Variants in MPDZ observed in about 807,000 individuals in gnomAD.
MPDZ encodes the protein multiple PDZ domain crumbs cell polarity complex component.
Under a neutral mutation model 239.1 loss-of-function variants are expected in MPDZ, and 234 were observed. The observed-to-expected ratio is 0.98, with a 90% CI of 0.88 to 1.09. MPDZ has a LOEUF of 1.09. Ranked by LOEUF, MPDZ falls within the 50% of genes least tolerant of loss-of-function variation. MPDZ has a pLI of 0.00. For missense variants in MPDZ, 3,175 were observed against 2,510.0 expected (o/e 1.26, Z -5.66); for synonymous variants, 1,048 against 881.3 (o/e 1.19, Z -3.35).
intron 1 of MPDZ, among the ~76,000 whole-genome samples, chr9:13,263,414 T>G (rs535286997): frequency 1.0e-3 from 153 of 149,236 alleles, no homozygotes; most frequent in African/African-American, 3.5e-3. Context: ...AAAAAAAAGA[T>G]TTCGCCTAAA....
intron 10 of MPDZ, among the ~76,000 whole-genome samples, chr9:13,207,974 A>G (rs1407235541): frequency 6.6e-6 from 1 of 152,238 alleles, no homozygotes; most frequent in Non-Finnish European, 1.5e-5. Context: ...AGTCATTAAT[A>G]TTCCTTAGAA....
intron 3 of MPDZ, among the ~76,000 whole-genome samples, chr9:13,239,213 A>T (rs1439332880): frequency 6.6e-6 from 1 of 152,194 alleles, no homozygotes; most frequent in Non-Finnish European, 1.5e-5. Flanking sequence ...TCAGATAATC[A>T]TAAGAAGCCC....
chr9:13,271,586 C>T lies in MPDZ; in HGVS notation c.-58+7814G>A, dbSNP rs149670442. Among the ~76,000 whole-genome samples, 366 of 152,236 alleles carry T rather than the reference C, an allele frequency of 2.4e-3. 2 individuals are homozygous for T. Among genetic ancestry groups the T allele is most frequent in the African/African-American group, 7.5e-3 (310 of 41,536 alleles). ...TCTTCTTTGGGTCTCTTCTTTTCTG[C>T]GTAGCCCCCATGAATATGAAATTAA... On this transcript the variant is annotated intron_variant, in intron 1 of 46. Coordinates refer to ENST00000319217, the MANE Select transcript of MPDZ (RefSeq NM_001378778.1).
intron 25 of MPDZ, among the ~76,000 whole-genome samples, chr9:13,150,127 T>C (rs1012976539): frequency 1.3e-5 from 2 of 152,130 alleles, no homozygotes; most frequent in African/African-American, 4.8e-5. Flanking sequence ...ATTCAAAATT[T>C]TTCCCTGAGA....
chr9:13,159,631 TG>T (rs1043947851), intron 23 of MPDZ, among the ~76,000 whole-genome samples: 1 of 152,038 alleles, frequency 6.6e-6, no homozygotes, highest in African/African-American at 2.4e-5. Flanking sequence ...AGGCAGGGGA[TG>T]GGGGGAGGTC....
chr9:13,176,280 A>T lies in MPDZ; in HGVS notation c.2787T>A (p.Phe929Leu). Residue 929 changes from phenylalanine to leucine, a missense_variant, in exon 20 of 47, where the codon TTT becomes TTA. Physicochemically the swap from Phe to Leu is conservative, Grantham distance 22 (BLOSUM62 0). Transcript: ENST00000319217. ...TTGCAGGTGTGTAGTCATTTATAGT[A>T]AAGCCAGAAGCAGGCCCCATACTTA... ...VDISMGPASG[F>L]TINDYTPANA... 1 of 1,610,446 alleles carries T rather than the reference A, an allele frequency of 6.2e-7. No homozygotes were observed. The highest frequency in any genetic ancestry group is 1.1e-5 in the South Asian group (1 of 90,314).
intron 35 of MPDZ, among the ~76,000 whole-genome samples, chr9:13,123,513 G>A (rs1312302357): frequency 4.6e-5 from 7 of 151,712 alleles, no homozygotes; most frequent in Non-Finnish European, 7.4e-5. Context: ...TAGGGTAGTG[G>A]GCCAAAAATT....
intron 20 of MPDZ, 100 bp downstream of exon 20, chr9:13,176,036 C>A: frequency 7.0e-7 from 1 of 1,437,892 alleles, no homozygotes; most frequent in Non-Finnish European, 9.2e-7. Context: ...ATCTTAGTGT[C>A]AAGAAGCACT....
In MPDZ at chr9:13,150,624, C is replaced by T. The variant is rs1949036500; in HGVS notation, c.3517G>A (p.Gly1173Arg). Reference protein sequence around the residue: ...GISIVGGRGMGSRLSNGEVMR... With the variant: ...GISIVGGRGMRSRLSNGEVMR... ...ACTTCTCCATTGCTTAGCCGACTCC[C>T]CATCCCTCGTCCACCAACAATGCTG... Residue 1173 changes from glycine (G) to arginine (R), a missense_variant, in exon 25 of 47, where the codon GGG becomes AGG. By Grantham distance (125) the Gly-to-Arg change is moderately radical. Transcript: ENST00000319217. The T allele has an allele frequency of 3.3e-6, 5 of 1,530,918 alleles. No individual in the cohort carries two copies. Among genetic ancestry groups the T allele is most frequent in the Non-Finnish European group, 4.4e-6 (5 of 1,136,388 alleles). 94.8% of individuals were successfully genotyped at this position (1,530,918 alleles called of 1,614,324 possible).
chr9:13,149,250 G>C (rs1303954155), intron 25 of MPDZ, among the ~76,000 whole-genome samples: 1 of 151,722 alleles, frequency 6.6e-6, no homozygotes, highest in Non-Finnish European at 1.5e-5. Context: ...TTCCGTCTAA[G>C]GCTCTCAAAG....
intron 1 of MPDZ, among the ~76,000 whole-genome samples, chr9:13,272,979 G>A (rs568557061): frequency 6.6e-6 from 1 of 152,020 alleles, no homozygotes; most frequent in Non-Finnish European, 1.5e-5. Flanking sequence ...GGGGTCTTTG[G>A]GAGGCAATTA....
intron 3 of MPDZ, among the ~76,000 whole-genome samples, chr9:13,237,482 A>C (rs1293198183): frequency 3.3e-5 from 5 of 151,854 alleles, no homozygotes; most frequent in African/African-American, 1.2e-4. Context: ...GGTAAGTACA[A>C]AGTGTTTATG....
chr9:13,127,001 T>C (rs1025284546), intron 32 of MPDZ, among the ~76,000 whole-genome samples: 2 of 152,204 alleles, frequency 1.3e-5, no homozygotes, highest in African/African-American at 4.8e-5. Flanking sequence ...TTTTCACTCT[T>C]CCCATATGTC....
intron 34 of MPDZ, 34 bp downstream of exon 34, chr9:13,126,482 C>T: frequency 6.9e-7 from 1 of 1,442,404 alleles, no homozygotes; most frequent in East Asian, 2.5e-5. Flanking sequence ...AAGGATGGGC[C>T]TACATTACCA....
intron 12 of MPDZ, among the ~76,000 whole-genome samples, chr9:13,202,816 C>T (rs1956545663): frequency 2.0e-5 from 3 of 152,150 alleles, no homozygotes; most frequent in Admixed American, 2.0e-4. Flanking sequence ...GTCATGGCTC[C>T]TCTCAATTCT....
intron 3 of MPDZ, among the ~76,000 whole-genome samples, chr9:13,240,865 A>G (rs1419037763): frequency 6.6e-6 from 1 of 152,020 alleles, no homozygotes; most frequent in Non-Finnish European, 1.5e-5. Context: ...GTTAAAAAAA[A>G]CTCATTTAGG....
intron 3 of MPDZ, among the ~76,000 whole-genome samples, chr9:13,243,568 T>C (rs1028915117): frequency 1.3e-5 from 2 of 152,110 alleles, no homozygotes; most frequent in South Asian, 2.1e-4. Context: ...AAAACTTACA[T>C]AGAAATATAA....
Position 13,196,124 on chromosome 9 carries a change from T to A in MPDZ, c.1653A>T (p.Ile551=). 3 of 1,589,708 alleles carry A rather than the reference T, an allele frequency of 1.9e-6. No individual in the cohort carries two copies. Among genetic ancestry groups the A allele is most frequent in the Non-Finnish European group, 1.7e-6 (2 of 1,165,102 alleles). Residue 551 remains isoleucine, a synonymous_variant, in exon 13 of 47, where the codon ATA becomes ATT. Transcript: ENST00000319217. ...TACAGAAGGTCAGCTAACCTACCAC[T>A]ATTTCATAGTTAATTCCCATAATCC... ...WQRIMGINYE[I]VVAHVSKFSE...
intron 23 of MPDZ, among the ~76,000 whole-genome samples, chr9:13,159,058 G>A (rs1447648689): frequency 6.6e-6 from 1 of 152,116 alleles, no homozygotes; most frequent in Non-Finnish European, 1.5e-5. Flanking sequence ...TCAAAAGAAA[G>A]TATGTAAAAT....
Sources: allele counts gnomAD v4.1 joint callset (sites outside exome capture counted in the v4.1 genomes callset), GRCh38; gene constraint gnomAD v4.1.1; transcripts MANE v1.5; gene names NCBI Gene and HGNC (gene_info 2026-07-23, HGNC 2026-07-21).